PIAS1: variants seen among roughly 807,000 people sequenced by gnomAD.
PIAS1 encodes the protein E3 SUMO-protein ligase PIAS1.
A neutral mutation model predicts 71.3 loss-of-function variants in PIAS1; 6 were observed. That is an observed-to-expected ratio of 0.08 (90% confidence interval 0.05 to 0.17). The LOEUF is 0.17. Among genes scored for constraint, PIAS1 ranks in the 10% least tolerant of loss-of-function variants. The pLI, the probability that PIAS1 is intolerant of heterozygous loss-of-function variation, is 1.00. For missense variants in PIAS1, 555 were observed against 793.6 expected (o/e 0.70, Z 3.61); for synonymous variants, 303 against 292.9 (o/e 1.03, Z -0.35).
intron 2 of PIAS1, among the ~76,000 whole-genome samples, chr15:68,102,729 T>G (rs2092437841): frequency 6.6e-6 from 1 of 152,194 alleles, no homozygotes; most frequent in Non-Finnish European, 1.5e-5. Context: ...CCTTGCTGAG[T>G]TCACTTATAG....
chr15:68,061,907 T>G (rs1171760383), intron 1 of PIAS1, among the ~76,000 whole-genome samples: 1 of 152,228 alleles, frequency 6.6e-6, no homozygotes, highest in East Asian at 1.9e-4. Flanking sequence ...TTAGTTTGCG[T>G]CTTTTTGTTG....
At chr15:68,175,937 C>T (rs536107805) in intron 10 of PIAS1, among the ~76,000 whole-genome samples, 170 bp downstream of exon 10, 85 of 152,264 alleles carry the variant, frequency 5.6e-4, no homozygotes, top group Admixed American at 1.2e-3. Context: ...CTTTTAAATT[C>T]ACTTTTTTGC....
At chr15:68,059,067 C>T (rs568641188) in intron 1 of PIAS1, among the ~76,000 whole-genome samples, 3 of 145,002 alleles carry the variant, frequency 2.1e-5, no homozygotes, top group Non-Finnish European at 4.5e-5. Flanking sequence ...TGCAGTGGCG[C>T]GATCTCGGCG....
chr15:68,102,140 C>G (rs150003467), intron 2 of PIAS1, among the ~76,000 whole-genome samples: 68 of 152,236 alleles, frequency 4.5e-4, no homozygotes, highest in African/African-American at 1.6e-3. Flanking sequence ...TTTGTTACTA[C>G]TTTTTATAAG....
chr15:68,112,856 C>CAG (rs10683193), intron 2 of PIAS1, among the ~76,000 whole-genome samples: 151,324 of 152,264 alleles, frequency 0.99, 75,205 homozygotes, highest in Middle Eastern at 1. Flanking sequence ...GAGTATGTCT[C>CAG]GGAAATAACA....
rs984133661 is a variant in PIAS1, at chr15:68,189,607, G to T, written c.*1772G>T. Reference sequence around the variant, plus strand: ...CCACTAAATTGTTGACTTGAATTTTGGGAAAAAAAAAAGTTGGTGTTGATA... The same window carrying T: ...CCACTAAATTGTTGACTTGAATTTTTGGAAAAAAAAAAGTTGGTGTTGATA... On this transcript the variant is annotated 3_prime_UTR_variant, in exon 14 of 14. Coordinates refer to ENST00000249636, the MANE Select transcript of PIAS1 (RefSeq NM_016166.3). 1 of 151,050 alleles carries T rather than the reference G, an allele frequency of 6.6e-6. No individual in the cohort carries two copies. Among genetic ancestry groups the T allele is most frequent in the African/African-American group, 2.4e-5 (1 of 40,888 alleles). 9.4% of individuals were successfully genotyped at this position (151,050 alleles called of 1,614,324 possible). A position where few individuals can be genotyped will look rare whatever the true frequency, so the allele number is the denominator to read the frequency against.
At chr15:68,142,065 C>T (rs769350261) in intron 3 of PIAS1, 35 bp downstream of exon 3, 19 of 1,376,532 alleles carry the variant, frequency 1.4e-5, no homozygotes, top group South Asian at 2.4e-5. Flanking sequence ...GAAGTTTGAC[C>T]TTTGAATCCA....
rs1385495502 is a variant in PIAS1, at chr15:68,164,813, TA to T, written c.1008+11del. Reference sequence around the variant, plus strand: ...TTTCTCTACTATGTCCAGTAAGTGTTAACTATTACTTGCTTTCCAGAAAGTT... The same window carrying T: ...TTTCTCTACTATGTCCAGTAAGTGTTACTATTACTTGCTTTCCAGAAAGTT... On this transcript the variant is annotated intron_variant, in intron 8 of 13. Transcript: ENST00000249636. The T allele has an allele frequency of 6.8e-7, 1 of 1,472,358 alleles. No homozygotes were observed. The highest frequency in any genetic ancestry group is 1.4e-5 in the African/African-American group (1 of 72,334). The allele number at this position is 1,472,358 out of a possible 1,614,324, so 91.2% of individuals were successfully genotyped here. A position where few individuals can be genotyped will look rare whatever the true frequency, so the allele number is the denominator to read the frequency against.
chr15:68,122,772 CTTA>C (rs1438316016), intron 2 of PIAS1, among the ~76,000 whole-genome samples: 2 of 152,152 alleles, frequency 1.3e-5, no homozygotes, highest in Non-Finnish European at 2.9e-5. Flanking sequence ...CAGCACTGTG[CTTA>C]TTATATATAC....
intron 2 of PIAS1, among the ~76,000 whole-genome samples, chr15:68,139,926 G>T (rs1456101352): frequency 2.0e-5 from 3 of 151,816 alleles, no homozygotes; most frequent in Non-Finnish European, 2.9e-5. Flanking sequence ...TTTTTGAAAG[G>T]GCTAATGGTA....
intron 1 of PIAS1, among the ~76,000 whole-genome samples, chr15:68,062,922 A>G (rs192172434): frequency 1.1e-4 from 17 of 152,290 alleles, no homozygotes; most frequent in Admixed American, 7.2e-4. Flanking sequence ...ACAGTGTGTA[A>G]TATTTCCTAT....
chr15:68,069,845 G>A (rs559256738), intron 1 of PIAS1, among the ~76,000 whole-genome samples: 2 of 150,530 alleles, frequency 1.3e-5, no homozygotes, highest in African/African-American at 4.9e-5. Flanking sequence ...TAGTACTCCT[G>A]TAACTATATG....
chr15:68,164,291 T>C (rs2092942856), intron 7 of PIAS1, among the ~76,000 whole-genome samples: 1 of 152,174 alleles, frequency 6.6e-6, no homozygotes, highest in African/African-American at 2.4e-5. Flanking sequence ...TTTTATTTTC[T>C]GAGCTTTCAA....
chr15:68,139,557 A>G (rs907516290), intron 2 of PIAS1, among the ~76,000 whole-genome samples: 6 of 152,206 alleles, frequency 3.9e-5, no homozygotes, highest in Non-Finnish European at 8.8e-5. Flanking sequence ...TGTGTGTGCT[A>G]ATTCCCTTGA....
At chr15:68,083,778 A>AC (rs1284463736) in intron 1 of PIAS1, among the ~76,000 whole-genome samples, 6 of 151,878 alleles carry the variant, frequency 4.0e-5, no homozygotes, top group African/African-American at 7.3e-5. Context: ...AAAAAAAAAA[A>AC]ACACCCAGTT....
At chr15:68,060,827 G>T (rs1356282913) in intron 1 of PIAS1, among the ~76,000 whole-genome samples, 1 of 152,190 alleles carries the variant, frequency 6.6e-6, no homozygotes, top group Non-Finnish European at 1.5e-5. Flanking sequence ...GGGATTACAG[G>T]CATGCGCCAC....
At chr15:68,163,347 G>A (rs1567071220) in intron 7 of PIAS1, among the ~76,000 whole-genome samples, 3 of 152,158 alleles carry the variant, frequency 2.0e-5, no homozygotes, top group South Asian at 2.1e-4. Context: ...GAAGTTGTAT[G>A]CCTTTTTTGT....
intron 2 of PIAS1, among the ~76,000 whole-genome samples, chr15:68,105,629 CCA>C (rs576893072): frequency 1.4e-4 from 22 of 152,028 alleles, no homozygotes; most frequent in Non-Finnish European, 2.9e-4. Context: ...TAGTTTTACC[CCA>C]GTTATGCTTT....
Position 68,177,115 on chromosome 15 carries a change from A to G in PIAS1, c.1481+461A>G, listed in dbSNP as rs182575045. ...GGCAACATGGTGAAACCTCATCTCT[A>G]CTAAAATACAAAAATTAGCCAAGCG... On this transcript the variant is annotated intron_variant, in intron 11 of 13. Coordinates refer to ENST00000249636, the MANE Select transcript of PIAS1 (RefSeq NM_016166.3). Among the ~76,000 whole-genome samples, 7 of 152,020 alleles carry G rather than the reference A, an allele frequency of 4.6e-5. No homozygotes were observed. In the East Asian group the frequency reaches 1.4e-3, roughly 29 times the overall value.
Sources: gnomAD v4.1 joint callset for allele counts (sites outside exome capture counted in the v4.1 genomes callset) on GRCh38, gnomAD v4.1.1 for gene constraint, MANE v1.5 for transcripts, NCBI Gene and HGNC (gene_info 2026-07-23, HGNC 2026-07-21) for gene names.